The following SRGAP2 variants were observed in gnomAD, a reference collection of about 807,000 sequenced individuals.
The protein encoded by SRGAP2 is SLIT-ROBO Rho GTPase-activating protein 2.
A neutral mutation model predicts 57.2 loss-of-function variants in SRGAP2; 15 were observed. The observed-to-expected ratio is 0.26, with a 90% confidence interval of 0.18 to 0.40. The LOEUF is 0.40. Ranked by LOEUF, SRGAP2 falls within the 10% of genes least tolerant of loss-of-function variation. SRGAP2 has a pLI of 1.00. For synonymous variants in SRGAP2, 249 were observed against 248.0 expected (o/e 1.00, Z -0.04); for missense variants, 520 against 669.6 (o/e 0.78, Z 2.47).
chr1:206,260,765 T>C (rs1187526940), intron 2 of SRGAP2, among the ~76,000 whole-genome samples: 7 of 152,358 alleles, frequency 4.6e-5, no homozygotes, highest in African/African-American at 1.7e-4. Context: ...TTGTTTCCAG[T>C]ATTTGCTATT....
At chr1:206,438,263 G>T (rs1322424669) in intron 16 of SRGAP2, among the ~76,000 whole-genome samples, 165 bp downstream of exon 16, 1 of 152,002 alleles carries the variant, frequency 6.6e-6, no homozygotes, top group Non-Finnish European at 1.5e-5. Context: ...CCTGGTGGGA[G>T]GGGAGGAGGA....
At chr1:206,378,396 C>T (rs561012933) in intron 4 of SRGAP2, among the ~76,000 whole-genome samples, 21 of 152,056 alleles carry the variant, frequency 1.4e-4, no homozygotes, top group Middle Eastern at 6.8e-3. Context: ...AGGAGGATCA[C>T]GTGACAGTTG....
chr1:206,212,907 A>AAAAAAC (rs1321974723), intron 2 of SRGAP2, among the ~76,000 whole-genome samples: 2 of 144,204 alleles, frequency 1.4e-5, no homozygotes, highest in East Asian at 4.2e-4. Flanking sequence ...AACAAAAAAC[A>AAAAAAC]AAAAACTGGC....
At chr1:206,381,178 T>C (rs1197015676) in intron 4 of SRGAP2, among the ~76,000 whole-genome samples, 4 of 152,208 alleles carry the variant, frequency 2.6e-5, no homozygotes, top group Admixed American at 1.3e-4. Flanking sequence ...CTGGGCTTAA[T>C]TGCTGTTGTT....
At chr1:206,428,443 AAG>A (rs1553367145) in intron 13 of SRGAP2, among the ~76,000 whole-genome samples, 2 of 151,790 alleles carry the variant, frequency 1.3e-5, no homozygotes, top group African/African-American at 4.8e-5. Flanking sequence ...AAAAAAGAAA[AAG>A]AAATTGTATA....
intron 11 of SRGAP2, 87 bp downstream of exon 11, chr1:206,416,060 G>A: frequency 1.5e-6 from 1 of 671,602 alleles, no homozygotes; most frequent in Non-Finnish European, 2.7e-6. Flanking sequence ...CCTCAGCCAA[G>A]TGGACCCGAT....
chr1:206,358,496 A>G (rs138943877), intron 4 of SRGAP2, among the ~76,000 whole-genome samples: 1,754 of 151,528 alleles, frequency 0.012, 21 homozygotes, highest in South Asian at 0.025. Flanking sequence ...CAAAGCCAAG[A>G]TAATCCAAGC....
intron 13 of SRGAP2, among the ~76,000 whole-genome samples, chr1:206,425,846 C>CT (rs34299579): frequency 0.019 from 2,607 of 134,344 alleles, 86 homozygotes; most frequent in African/African-American, 0.059. Flanking sequence ...AACCTCACTT[C>CT]TTTTTTTTTT....
intron 3 of SRGAP2, among the ~76,000 whole-genome samples, chr1:206,342,027 T>C (rs1265910041): frequency 7.9e-5 from 12 of 152,142 alleles, no homozygotes; most frequent in African/African-American, 2.2e-4. Flanking sequence ...CGCCTTGGTT[T>C]AGCACTTTAC....
intron 16 of SRGAP2, 129 bp from the exon 17 acceptor site, chr1:206,439,847 C>A: frequency 3.1e-6 from 2 of 648,968 alleles, no homozygotes; most frequent in Non-Finnish European, 5.6e-6. Context: ...CCTGTCACTG[C>A]ACCAGTGCTG....
intron 2 of SRGAP2, among the ~76,000 whole-genome samples, chr1:206,230,783 C>T (rs1339178878): frequency 3.6e-5 from 5 of 139,638 alleles, no homozygotes; most frequent in East Asian, 4.1e-4. Context: ...CCCGCCACCA[C>T]GCTCGGCTAA....
At chr1:206,249,540 C>T (rs1287696496) in intron 2 of SRGAP2, among the ~76,000 whole-genome samples, 1 of 150,214 alleles carries the variant, frequency 6.7e-6, no homozygotes, top group Non-Finnish European at 1.5e-5. Flanking sequence ...GGGAGTTGAA[C>T]AATGAGAACA....
chr1:206,248,534 C>G (rs565010260), intron 2 of SRGAP2, among the ~76,000 whole-genome samples: 3,738 of 152,166 alleles, frequency 0.025, 146 homozygotes, highest in African/African-American at 0.084. Context: ...AAAGACCTAT[C>G]AAACTGCAGA....
At chr1:206,432,302 C>T (rs751561672) in intron 14 of SRGAP2, among the ~76,000 whole-genome samples, 12 of 152,164 alleles carry the variant, frequency 7.9e-5, no homozygotes, top group Non-Finnish European at 1.5e-4. Flanking sequence ...TCTGGGGAAA[C>T]AGGCACATTT....
At chr1:206,460,870 C>G (rs1553380234) in intron 22 of SRGAP2, among the ~76,000 whole-genome samples, 167 bp from the exon 23 acceptor site, 7 of 152,094 alleles carry the variant, frequency 4.6e-5, no homozygotes, top group Non-Finnish European at 1.0e-4. Context: ...CTCCGTCCCC[C>G]TTTCCCTACT....
intron 2 of SRGAP2, among the ~76,000 whole-genome samples, chr1:206,286,289 T>G (rs1172882075): frequency 6.6e-6 from 1 of 152,044 alleles, no homozygotes; most frequent in East Asian, 1.9e-4. Context: ...GGTGACTAGA[T>G]AATGCATCTC....
Position 206,461,072 on chromosome 1 carries a change from G to A in SRGAP2, c.2868G>A (p.Glu956=), listed in dbSNP as rs1664227636. 1 of 738,162 alleles carries A rather than the reference G, an allele frequency of 1.4e-6. No homozygotes were observed. Among genetic ancestry groups the A allele is most frequent in the Non-Finnish European group, 2.5e-6 (1 of 393,462 alleles). The allele number at this position is 738,162 out of a possible 1,614,324, so 45.7% of individuals were successfully genotyped here. The part of the protein sequence containing the change: ...IEATMNSALN[E]LRELERQSSV... The stretch of plus-strand genomic sequence containing the variant: ...CAACAATGAACTCGGCCCTGAATGA[G>A]CTACGGGAACTAGAACGGCAGAGCA... Residue 956 remains glutamate (E), a synonymous_variant, in exon 23 of 23, where the codon GAG becomes GAA. Coordinates refer to ENST00000573034, the MANE Select transcript of SRGAP2 (RefSeq NM_015326.5).
intron 4 of SRGAP2, among the ~76,000 whole-genome samples, chr1:206,357,203 G>A (rs1170833627): frequency 4.1e-5 from 6 of 147,100 alleles, no homozygotes; most frequent in Non-Finnish European, 7.4e-5. Context: ...TCAGCTTAGG[G>A]TTTTTTCAAT....
intron 4 of SRGAP2, among the ~76,000 whole-genome samples, chr1:206,347,818 G>A (rs1373066056): frequency 6.7e-6 from 1 of 149,888 alleles, no homozygotes; most frequent in South Asian, 2.1e-4. Flanking sequence ...GTATGGAGAT[G>A]TTGAACATCA....
Sources: gnomAD v4.1 joint callset for allele counts (sites outside exome capture counted in the v4.1 genomes callset) on GRCh38, gnomAD v4.1.1 for gene constraint, MANE v1.5 for transcripts, NCBI Gene and HGNC (gene_info 2026-07-23, HGNC 2026-07-21) for gene names.